VAX1: variants seen among roughly 807,000 people sequenced by gnomAD.
The protein encoded by VAX1 is ventral anterior homeobox 1.
VAX1 carries 6 observed loss-of-function variants against 17.6 expected under a neutral mutation model. The observed-to-expected ratio is 0.34, with a 90% CI of 0.19 to 0.67. The LOEUF is 0.67. Among genes scored for constraint, VAX1 ranks in the 30% least tolerant of loss-of-function variants. The pLI, the probability that VAX1 is intolerant of heterozygous loss-of-function variation, is 0.69. For synonymous variants in VAX1, 256 were observed against 227.4 expected (o/e 1.13, Z -1.13); for missense variants, 408 against 463.7 (o/e 0.88, Z 1.10).
At chr10:117,131,624 C>G (rs1294246814), downstream of VAX1, 1 of 152,386 alleles carries the variant, frequency 6.6e-6, no homozygotes, top group African/African-American at 2.4e-5. Flanking sequence ...AAGAAGGAGC[C>G]GGGGCCGCTG....
chr10:117,136,524 A>G lies in VAX1; in HGVS notation c.377T>C (p.Val126Ala), dbSNP rs766278617. ...GGCGAGCTCGGTCCTCTCGCGGCCC[A>G]CCACGTACTGGCAGCGCTGGAACTC... The part of the protein sequence containing the change: ...EMEFQRCQYV[V>A]GRERTELARQ... The change falls in exon 2 of 3, where the codon GTG becomes GCG. Residue 126 changes from valine to alanine, a missense_variant. Physicochemically the swap from Val to Ala is moderately conservative, Grantham distance 64. Coordinates refer to ENST00000369206, the MANE Select transcript of VAX1 (RefSeq NM_001112704.2). The surrounding 1 kb of genome is among the most constrained non-coding windows in gnomAD (Gnocchi z 5.0). 6 of 1,613,692 alleles carry G rather than the reference A, an allele frequency of 3.7e-6. No individual in the cohort carries two copies. Among genetic ancestry groups the G allele is most frequent in the African/African-American group, 2.7e-5 (2 of 74,906 alleles).
chr10:117,137,024 G>A lies in VAX1; in HGVS notation c.242-365C>T, dbSNP rs1052388222. Among the ~76,000 whole-genome samples the A allele has an allele frequency of 1.3e-5, 2 of 152,108 alleles. No homozygotes were observed. Among genetic ancestry groups the A allele is most frequent in the Non-Finnish European group, 2.9e-5 (2 of 68,014 alleles). The stretch of plus-strand genomic sequence containing the variant: ...CCTTGTCGCCCCGCCCGGGTCCTGC[G>A]GGCCCCAGCTCTGGGCTTGCCGACC... On this transcript the variant is annotated intron_variant, in intron 1 of 2. Transcript: ENST00000369206. This position sits in a 1 kb window ranked among gnomAD's most constrained non-coding sequence, Gnocchi z 7.4.
In VAX1 at chr10:117,133,842, C is replaced by T. The variant is rs1431387075; in HGVS notation, c.*166G>A. On this transcript the variant is annotated 3_prime_UTR_variant, in exon 3 of 3. Coordinates refer to ENST00000369206, the MANE Select transcript of VAX1 (RefSeq NM_001112704.2). ...AAGGTAGTAGAAAAAAAAAATAGCCCGAATGAGATGAAATTGGTAGCAGAG... is the reference window on the plus strand; with the variant it reads ...AAGGTAGTAGAAAAAAAAAATAGCCTGAATGAGATGAAATTGGTAGCAGAG... 5 of 1,333,034 alleles carry T rather than the reference C, an allele frequency of 3.8e-6. No homozygotes were observed. Among genetic ancestry groups the T allele is most frequent in the Non-Finnish European group, 4.8e-6 (5 of 1,049,802 alleles). 82.6% of individuals were successfully genotyped at this position (1,333,034 alleles called of 1,614,324 possible). A position where few individuals can be genotyped will look rare whatever the true frequency, so the allele number is the denominator to read the frequency against.
At chr10:117,132,408 A>C (rs1341974845), downstream of VAX1, 3 of 1,612,592 alleles carry the variant, frequency 1.9e-6, no homozygotes, top group Non-Finnish European at 8.5e-7. The surrounding 1 kb of genome is among the most constrained non-coding windows in gnomAD (Gnocchi z 4.9). Context: ...CATTCAGAAC[A>C]AAGTTAGTAG....
At position 117,137,775 on chromosome 10, in the gene VAX1, C is replaced by G; in HGVS notation, c.241+41G>C. On this transcript the variant is annotated intron_variant, in intron 1 of 2. Transcript: ENST00000369206. The surrounding 1 kb of genome is among the most constrained non-coding windows in gnomAD (Gnocchi z 7.4). ...CAGCGCGCAGCTCCGGCCCCGGAGT[C>G]GACCCCAAAGAACGCGCCTGGCAGC... 1 of 1,608,676 alleles carries G rather than the reference C, an allele frequency of 6.2e-7. No homozygotes were observed. Among genetic ancestry groups the G allele is most frequent in the Non-Finnish European group, 8.5e-7 (1 of 1,179,700 alleles).
chr10:117,129,602 G>T (rs1467274035), downstream of VAX1: 1 of 151,922 alleles, frequency 6.6e-6, no homozygotes, highest in Non-Finnish European at 1.5e-5. Context: ...TTATGTGGCT[G>T]AAGGGAAGAA....
Position 117,133,873 on chromosome 10 carries a change from T to A in VAX1, c.*135A>T, listed in dbSNP as rs1402559417. ...AGATGAAATTGGTAGCAGAGTCTAG[T>A]GGGAAAGGAGAGCTGTCAGAGGCCT... On this transcript the variant is annotated 3_prime_UTR_variant, in exon 3 of 3. Transcript: ENST00000369206. 2 of 1,371,132 alleles carry A rather than the reference T, an allele frequency of 1.5e-6. No homozygotes were observed. Among genetic ancestry groups the A allele is most frequent in the East Asian group, 3.1e-5 (1 of 32,234 alleles). 84.9% of individuals were successfully genotyped at this position (1,371,132 alleles called of 1,614,324 possible).
rs1854200687 is a variant in VAX1, at chr10:117,137,437, A to T, written c.241+379T>A. Among the ~76,000 whole-genome samples, 1 of 152,198 alleles carries T rather than the reference A, an allele frequency of 6.6e-6. No homozygotes were observed. Among genetic ancestry groups the T allele is most frequent in the South Asian group, 2.1e-4 (1 of 4,832 alleles). ...CCCCCTTGGGTGCGCTCAGCCCTCC[A>T]GAGCGCGGGAGTCCCCTGGCCGGCT... On this transcript the variant is annotated intron_variant, in intron 1 of 2. Transcript: ENST00000369206. The surrounding 1 kb of genome is among the most constrained non-coding windows in gnomAD (Gnocchi z 7.4).
At chr10:117,129,319 T>A (rs1854056007), downstream of VAX1, 1 of 152,506 alleles carries the variant, frequency 6.6e-6, no homozygotes, top group Non-Finnish European at 1.5e-5. Flanking sequence ...GAACCTGGAA[T>A]TTTAGCCAGT....
rs1365591818 is a variant in VAX1 at position 117,134,149 on chromosome 10, C to G, written c.864G>C (p.Leu288=). The change falls in exon 3 of 3, where the codon CTG becomes CTC. Residue 288 remains leucine (L), a synonymous_variant. Coordinates refer to ENST00000369206, the MANE Select transcript of VAX1 (RefSeq NM_001112704.2). The surrounding 1 kb of genome is among the most constrained non-coding windows in gnomAD (Gnocchi z 6.2). ...PSLLGSVASR[L]SSAPLTMAGS... ...CAGCCATTGTTAACGGGGCGGAGGA[C>G]AGGCGGCTGGCGACGGAGCCGAGCA... 6.5e-7 allele frequency: 1 copy of G among 1,531,240 alleles called. No homozygotes were observed. The highest frequency in any genetic ancestry group is 1.2e-5 in the South Asian group (1 of 81,442). 94.9% of individuals were successfully genotyped at this position (1,531,240 alleles called of 1,614,324 possible). A position where few individuals can be genotyped will look rare whatever the true frequency, so the allele number is the denominator to read the frequency against.
rs1854192764 is a variant in VAX1, at chr10:117,137,127, A to G, written c.242-468T>C. On this transcript the variant is annotated intron_variant, in intron 1 of 2. Transcript: ENST00000369206. This position sits in a 1 kb window ranked among gnomAD's most constrained non-coding sequence, Gnocchi z 7.4. ...AGTCCGCGCGGCGGAAGGAGGAGGG[A>G]CTGAGTCGGGGCCGGCCGGGCCCGG... Among the ~76,000 whole-genome samples, 4 of 144,234 alleles carry G rather than the reference A, an allele frequency of 2.8e-5. No homozygotes were observed. Among genetic ancestry groups the G allele is most frequent in the Admixed American group, 6.8e-5 (1 of 14,602 alleles). 94.6% of individuals were successfully genotyped at this position (144,234 alleles called of 152,430 possible).
Position 117,137,873 on chromosome 10 carries a change from T to C in VAX1, c.184A>G (p.Lys62Glu). The C allele has an allele frequency of 1.9e-6, 3 of 1,613,616 alleles. No individual in the cohort carries two copies. In the South Asian group the frequency reaches 3.3e-5, roughly 18 times the overall value. ...TCCGCTGCGGAATTGGATTTACTTT[T>C]GTTACAATCCTCAGCAGCGCCCGAC... Reference protein sequence around the residue: ...SASGAAEDCNKSKSNSAADPD... With the variant: ...SASGAAEDCNESKSNSAADPD... The change falls in exon 1 of 3, where the codon AAA becomes GAA. Residue 62 changes from lysine (K) to glutamate (E), a missense_variant. By Grantham distance (56) the Lys-to-Glu change is moderately conservative. Coordinates refer to ENST00000369206, the MANE Select transcript of VAX1 (RefSeq NM_001112704.2). This position sits in a 1 kb window ranked among gnomAD's most constrained non-coding sequence, Gnocchi z 7.4.
Position 117,136,404 on chromosome 10 carries a change from G to A in VAX1, c.429+68C>T. The A allele has an allele frequency of 6.3e-7, 1 of 1,587,786 alleles. No individual in the cohort carries two copies. Among genetic ancestry groups the A allele is most frequent in the Non-Finnish European group, 8.6e-7 (1 of 1,165,640 alleles). On this transcript the variant is annotated intron_variant, in intron 2 of 2. Transcript: ENST00000369206. The surrounding 1 kb of genome is among the most constrained non-coding windows in gnomAD (Gnocchi z 5.0). ...TCCAGAGCAGGTTAGGAGGTGAAGA[G>A]CAGGCTAGGTAGGGGTGGTGGGGAG...
downstream of VAX1, chr10:117,132,288 TTTTG>T (rs1336157302): frequency 5.1e-5 from 82 of 1,614,000 alleles, 1 homozygote; most frequent in South Asian, 2.4e-4. This position sits in a 1 kb window ranked among gnomAD's most constrained non-coding sequence, Gnocchi z 4.9. Flanking sequence ...CCTTTTCTTC[TTTTG>T]TTTTTTTATC....
downstream of VAX1, chr10:117,129,604 AG>A (rs1854058770): frequency 6.6e-6 from 1 of 151,946 alleles, no homozygotes; most frequent in South Asian, 2.1e-4. Context: ...ATGTGGCTGA[AG>A]GGAAGAAGTT....
downstream of VAX1, chr10:117,132,536 A>G: frequency 6.4e-7 from 1 of 1,558,492 alleles, no homozygotes; most frequent in South Asian, 1.2e-5. The surrounding 1 kb of genome is among the most constrained non-coding windows in gnomAD (Gnocchi z 4.9). Context: ...ATAATTTACA[A>G]TAAAATTACT....
chr10:117,132,249 C>G (rs775268762), downstream of VAX1: 1 of 1,614,038 alleles, frequency 6.2e-7, no homozygotes, highest in East Asian at 2.2e-5. The surrounding 1 kb of genome is among the most constrained non-coding windows in gnomAD (Gnocchi z 4.9). Context: ...GTCCCCACGC[C>G]GAGACTCATC....
chr10:117,138,027 A>G lies in VAX1; in HGVS notation c.30T>C (p.Val10=). ...CAGCCTCGGCGTCCGAGTGGCATCG[A>G]ACGTCCATTTTGTCTGGTTTCCCGA... MFGKPDKMD[V]RCHSDAEAAR... The change falls in exon 1 of 3, where the codon GTT becomes GTC. Residue 10 remains valine (V), a synonymous_variant. Transcript: ENST00000369206. 1 of 1,553,978 alleles carries G rather than the reference A, an allele frequency of 6.4e-7. No homozygotes were observed. The highest frequency in any genetic ancestry group is 1.4e-5 in the African/African-American group (1 of 72,334).
chr10:117,132,370 T>C (rs1423583155), downstream of VAX1: 2 of 1,610,532 alleles, frequency 1.2e-6, no homozygotes, highest in Non-Finnish European at 1.7e-6. The surrounding 1 kb of genome is among the most constrained non-coding windows in gnomAD (Gnocchi z 4.9). Context: ...TCTCACCACA[T>C]AAATACAAAA....
Sources: allele counts gnomAD v4.1 joint callset (sites outside exome capture counted in the v4.1 genomes callset), GRCh38; gene constraint gnomAD v4.1.1; non-coding constraint Gnocchi (gnomAD v3.1); transcripts MANE v1.5; gene names NCBI Gene and HGNC (gene_info 2026-07-23, HGNC 2026-07-21).